Variants in ZMYM2 observed in about 807,000 individuals in gnomAD.
ZMYM2 encodes zinc finger MYM-type containing 2.
In ZMYM2, 56 loss-of-function variants were observed where a neutral mutation model predicts 162.8. That is an observed-to-expected ratio of 0.34 (90% CI 0.28 to 0.43). The LOEUF is 0.43. ZMYM2 is among the 20% of genes least tolerant of loss of function. The pLI is 1.00. For synonymous variants in ZMYM2, 510 were observed against 541.6 expected (o/e 0.94, Z 0.81); for missense variants, 1,275 against 1,621.8 (o/e 0.79, Z 3.67).
the ZMYM2 span, among the ~76,000 whole-genome samples, chr13:19,919,753 C>T: frequency 2.4e-4 from 36 of 150,970 alleles, no homozygotes; most frequent in South Asian, 4.6e-3. Flanking sequence ...TCTCAGCTCA[C>T]TGCAACCTTC....
chr13:19,942,691 C>CA, the ZMYM2 span, among the ~76,000 whole-genome samples: 1 of 151,874 alleles, frequency 6.6e-6, no homozygotes, highest in Non-Finnish European at 1.5e-5. Context: ...GCCTGAGCTA[C>CA]AGGGAGAGAT....
chr13:19,935,149 T>A, the ZMYM2 span, among the ~76,000 whole-genome samples: 232 of 152,256 alleles, frequency 1.5e-3, no homozygotes, highest in Non-Finnish European at 2.6e-3. Context: ...ATTTATTTAT[T>A]TTTGAGACAG....
chr13:19,950,014 C>T, the ZMYM2 span, among the ~76,000 whole-genome samples: 7 of 151,608 alleles, frequency 4.6e-5, no homozygotes, highest in East Asian at 1.2e-3. Flanking sequence ...AGCTCACACC[C>T]GTAATTCCAA....
At chr13:19,884,853 C>T in the ZMYM2 span, among the ~76,000 whole-genome samples, 3 of 152,084 alleles carry the variant, frequency 2.0e-5, no homozygotes, top group East Asian at 3.9e-4. Flanking sequence ...CTGAGCACAT[C>T]ACAATTGCGG....
intron 6 of ZMYM2, among the ~76,000 whole-genome samples, chr13:20,007,430 C>G (rs2139990672): frequency 6.6e-6 from 1 of 152,182 alleles, no homozygotes; most frequent in Non-Finnish European, 1.5e-5. Flanking sequence ...AACCACTGCA[C>G]CCGTCCAGGT....
chr13:19,869,484 A>G, the ZMYM2 span, among the ~76,000 whole-genome samples: 1 of 152,156 alleles, frequency 6.6e-6, no homozygotes, highest in African/African-American at 2.4e-5. Context: ...CATAGCTACT[A>G]AAAGAATAAA....
intron 14 of ZMYM2, among the ~76,000 whole-genome samples, chr13:20,052,697 C>T (rs1311747847): frequency 5.3e-5 from 8 of 151,916 alleles, no homozygotes; most frequent in Non-Finnish European, 7.4e-5. Context: ...CTGAAAGATA[C>T]GAATAAGCTG....
chr13:19,890,656 G>T, the ZMYM2 span, among the ~76,000 whole-genome samples: 5 of 151,598 alleles, frequency 3.3e-5, no homozygotes, highest in South Asian at 8.3e-4. Context: ...AGATCACGAG[G>T]TCAGGAGATC....
At chr13:19,953,763 T>C (rs1218518947), upstream of ZMYM2, among the ~76,000 whole-genome samples, 1 of 152,094 alleles carries the variant, frequency 6.6e-6, no homozygotes, top group African/African-American at 2.4e-5. Flanking sequence ...TCTTGTGTTT[T>C]TCCAGCTGAT....
chr13:19,908,728 T>A, the ZMYM2 span, among the ~76,000 whole-genome samples: 2 of 152,120 alleles, frequency 1.3e-5, no homozygotes, highest in Non-Finnish European at 2.9e-5. Flanking sequence ...TAATTTACAT[T>A]TTTGCAAGTC....
At position 19,993,917 on chromosome 13, in the gene ZMYM2, C is replaced by G; in HGVS notation, c.845C>G (p.Pro282Arg). Residue 282 changes from proline to arginine, a missense_variant and splice_region_variant, in exon 3 of 25, where the codon CCT (proline) becomes CGT (arginine). Around this residue, in one of 10 missense-constraint regions of ZMYM2, gnomAD observed 115 missense variants for 175.3 expected, o/e 0.66. Coordinates refer to ENST00000610343, the MANE Select transcript of ZMYM2 (RefSeq NM_197968.4). ...QNGESATHHN[P>R]DSWISQSASF... ...GGAGAATCTGCAACTCATCATAATC[C>G]TGGTAAGCAGTAAGAGATACTCTAC... The G allele has an allele frequency of 1.2e-6, 2 of 1,608,134 alleles. No individual in the cohort carries two copies. The highest frequency in any genetic ancestry group is 2.2e-5 in the East Asian group (1 of 44,842).
intron 18 of ZMYM2, 96 bp from the exon 19 acceptor site, chr13:20,064,355 A>G: frequency 9.8e-7 from 1 of 1,016,382 alleles, no homozygotes; most frequent in Non-Finnish European, 1.4e-6. Flanking sequence ...CCATGTATGA[A>G]TGCTGGTTTA....
At chr13:20,051,025 C>T (rs1012674954) in intron 12 of ZMYM2, among the ~76,000 whole-genome samples, 1 of 152,008 alleles carries the variant, frequency 6.6e-6, no homozygotes, top group African/African-American at 2.4e-5. Context: ...TTCAAAATTA[C>T]CTTTGTCTTG....
At chr13:19,865,478 G>T in the ZMYM2 span, among the ~76,000 whole-genome samples, 1 of 152,252 alleles carries the variant, frequency 6.6e-6, no homozygotes, top group East Asian at 1.9e-4. Context: ...TAGGTCCTCA[G>T]TTACTCTTTG....
At chr13:19,867,422 G>A in the ZMYM2 span, among the ~76,000 whole-genome samples, 1 of 151,708 alleles carries the variant, frequency 6.6e-6, no homozygotes, top group Non-Finnish European at 1.5e-5. Flanking sequence ...AGGGATATTA[G>A]AAACATAGAT....
chr13:19,917,177 T>C, the ZMYM2 span, among the ~76,000 whole-genome samples: 3 of 152,022 alleles, frequency 2.0e-5, no homozygotes, highest in African/African-American at 7.2e-5. Context: ...TTAGCCAGGA[T>C]GGTCTCAATC....
At chr13:19,996,710 C>A (rs141441833) in intron 3 of ZMYM2, among the ~76,000 whole-genome samples, 3,063 of 151,988 alleles carry the variant, frequency 0.02, 57 homozygotes, top group South Asian at 0.084. Context: ...GACTGAGACT[C>A]TGTCTCAAAA....
At chr13:19,883,340 A>G in the ZMYM2 span, among the ~76,000 whole-genome samples, 3 of 152,218 alleles carry the variant, frequency 2.0e-5, no homozygotes, top group Non-Finnish European at 2.9e-5. Context: ...GTTGCACAAA[A>G]TTGTGAATAT....
At chr13:19,927,432 CTA>C in the ZMYM2 span, among the ~76,000 whole-genome samples, 1 of 152,178 alleles carries the variant, frequency 6.6e-6, no homozygotes, top group Non-Finnish European at 1.5e-5. Flanking sequence ...TTATGATACT[CTA>C]TGTGGTCTTC....
Sources: gnomAD v4.1 joint callset for allele counts (sites outside exome capture counted in the v4.1 genomes callset) on GRCh38, gnomAD v4.1.1 for gene constraint, gnomAD v4.1.1 regional missense constraint, MANE v1.5 for transcripts, NCBI Gene and HGNC (gene_info 2026-07-23, HGNC 2026-07-21) for gene names.